The following SLCO1B1 variants were observed in gnomAD, a reference collection of about 807,000 sequenced individuals.
SLCO1B1 encodes the protein solute carrier organic anion transporter family member 1B1, also known as OATP-2.
A neutral mutation model predicts 70.1 loss-of-function variants in SLCO1B1; 81 were observed. That is an observed-to-expected ratio of 1.16 (90% CI 0.97 to 1.39). The LOEUF is 1.39. Among genes scored for constraint, SLCO1B1 ranks in the 40% most tolerant of loss-of-function variants. The pLI is 0.00. For synonymous variants in SLCO1B1, 283 were observed against 271.5 expected (o/e 1.04, Z -0.42); for missense variants, 895 against 799.6 (o/e 1.12, Z -1.44).
chr12:21,199,984 A>G (rs1282098986), intron 8 of SLCO1B1, among the ~76,000 whole-genome samples: 1 of 152,052 alleles, frequency 6.6e-6, no homozygotes, highest in Non-Finnish European at 1.5e-5. Flanking sequence ...TATTTTTAGT[A>G]GAGTTGGGGT....
chr12:21,156,225 G>A (rs1163514389), intron 2 of SLCO1B1, among the ~76,000 whole-genome samples: 4 of 151,772 alleles, frequency 2.6e-5, no homozygotes, highest in African/African-American at 2.4e-5. Context: ...ACAACATTAG[G>A]TAAATGATTA....
chr12:21,228,208 C>G (rs1000154926), intron 14 of SLCO1B1, among the ~76,000 whole-genome samples: 2 of 151,998 alleles, frequency 1.3e-5, no homozygotes, highest in Non-Finnish European at 2.9e-5. Context: ...TGATTAAAGT[C>G]GATTTTTAAA....
chr12:21,139,714 C>T (rs2121035816), intron 1 of SLCO1B1, among the ~76,000 whole-genome samples: 1 of 152,196 alleles, frequency 6.6e-6, no homozygotes, highest in South Asian at 2.1e-4. Context: ...CATGCATGTG[C>T]AAAGTGGTGA....
At chr12:21,156,863 C>T (rs951608284) in intron 2 of SLCO1B1, among the ~76,000 whole-genome samples, 8 of 152,134 alleles carry the variant, frequency 5.3e-5, no homozygotes, top group African/African-American at 1.7e-4. Flanking sequence ...TCCTGCTCTT[C>T]GCCTAGTGCT....
At chr12:21,150,322 T>C (rs1045996373) in intron 2 of SLCO1B1, among the ~76,000 whole-genome samples, 7 of 152,122 alleles carry the variant, frequency 4.6e-5, no homozygotes, top group Admixed American at 3.3e-4. Context: ...GTGGATCTCC[T>C]AGCACCATTC....
At chr12:21,135,339 G>A (rs1369604174) in intron 1 of SLCO1B1, among the ~76,000 whole-genome samples, 2 of 152,224 alleles carry the variant, frequency 1.3e-5, no homozygotes, top group Non-Finnish European at 2.9e-5. Flanking sequence ...TTCTGTAGAT[G>A]TCTATTAGGT....
intron 1 of SLCO1B1, among the ~76,000 whole-genome samples, chr12:21,140,274 T>G (rs1171224991): frequency 1.3e-5 from 2 of 152,072 alleles, no homozygotes; most frequent in East Asian, 1.9e-4. Context: ...CTATTAAAAA[T>G]CATGTATCTA....
intron 9 of SLCO1B1, among the ~76,000 whole-genome samples, chr12:21,201,476 T>C (rs978323387): frequency 1.3e-4 from 20 of 152,144 alleles, no homozygotes; most frequent in African/African-American, 4.6e-4. Context: ...TAGACAAAGA[T>C]ATGGAAAAGT....
At chr12:21,165,975 G>A (rs549708589) in intron 2 of SLCO1B1, among the ~76,000 whole-genome samples, 1 of 151,112 alleles carries the variant, frequency 6.6e-6, no homozygotes, top group East Asian at 1.9e-4. Context: ...TTGAAGATAA[G>A]ACAATTGAAA....
At chr12:21,230,378 T>TG (rs1941522473) in intron 14 of SLCO1B1, among the ~76,000 whole-genome samples, 1 of 143,126 alleles carries the variant, frequency 7.0e-6, no homozygotes, top group African/African-American at 2.6e-5. Flanking sequence ...TTACCCAGGC[T>TG]GGAGGGCAAT....
chr12:21,154,597 T>A (rs773131759), intron 2 of SLCO1B1, among the ~76,000 whole-genome samples: 4 of 152,132 alleles, frequency 2.6e-5, no homozygotes, highest in Non-Finnish European at 5.9e-5. Flanking sequence ...TGATGCTATC[T>A]GGATTTTCAA....
Position 21,238,907 on chromosome 12 carries a change from C to T in SLCO1B1, c.1866-72C>T, listed in dbSNP as rs925975838. On this transcript the variant is annotated intron_variant, in intron 14 of 14. Coordinates refer to ENST00000256958, the MANE Select transcript of SLCO1B1 (RefSeq NM_006446.5). ...ATTTTTTTTCTTTAGGATCTGGATA[C>T]TGGAGAAAATGTTTTAAGTTATTAC... The T allele has an allele frequency of 3.0e-5, 26 of 876,470 alleles. No homozygotes were observed. The African/African-American group carries it at 4.1e-4, about 14-fold the overall frequency. 54.3% of individuals were successfully genotyped at this position (876,470 alleles called of 1,614,324 possible).
At chr12:21,219,304 G>A (rs999329801) in intron 12 of SLCO1B1, among the ~76,000 whole-genome samples, 1 of 152,096 alleles carries the variant, frequency 6.6e-6, no homozygotes, top group Non-Finnish European at 1.5e-5. Context: ...AGAAAATAAA[G>A]GTACAAGCCA....
chr12:21,193,846 A>G (rs1941059206), intron 7 of SLCO1B1, among the ~76,000 whole-genome samples: 1 of 152,024 alleles, frequency 6.6e-6, no homozygotes, highest in Non-Finnish European at 1.5e-5. Flanking sequence ...GCTGGAGTGC[A>G]GTGGTGCGAT....
intron 1 of SLCO1B1, among the ~76,000 whole-genome samples, chr12:21,136,335 C>T (rs1940220890): frequency 6.6e-6 from 1 of 152,100 alleles, no homozygotes; most frequent in Non-Finnish European, 1.5e-5. Flanking sequence ...CGAGGAGTAT[C>T]TTTGTGGCGT....
chr12:21,215,978 C>G (rs965835699), intron 11 of SLCO1B1, among the ~76,000 whole-genome samples: 11 of 152,002 alleles, frequency 7.2e-5, no homozygotes, highest in Non-Finnish European at 1.5e-4. Flanking sequence ...ATAAGAATGA[C>G]CCAGTTAATA....
At chr12:21,165,935 T>C (rs1254403448) in intron 2 of SLCO1B1, among the ~76,000 whole-genome samples, 1 of 151,926 alleles carries the variant, frequency 6.6e-6, no homozygotes, top group Non-Finnish European at 1.5e-5. Flanking sequence ...AACAGCAAAT[T>C]TGAGCAGTTA....
chr12:21,211,501 A>G (rs1341846209), intron 11 of SLCO1B1, among the ~76,000 whole-genome samples: 2 of 152,238 alleles, frequency 1.3e-5, no homozygotes, highest in Admixed American at 6.5e-5. Context: ...ATGTTCATCA[A>G]GGATATTGGT....
intron 9 of SLCO1B1, 42 bp from the exon 10 acceptor site, chr12:21,202,449 A>G (rs1941168973): frequency 7.0e-6 from 9 of 1,283,552 alleles, no homozygotes; most frequent in Non-Finnish European, 9.9e-6. Flanking sequence ...GACATATCAG[A>G]AAACTCATAT....
Sources: gnomAD v4.1 joint callset for allele counts (sites outside exome capture counted in the v4.1 genomes callset) on GRCh38, gnomAD v4.1.1 for gene constraint, MANE v1.5 for transcripts, NCBI Gene and HGNC (gene_info 2026-07-23, HGNC 2026-07-21) for gene names.